Variants in ACOD1 observed in about 807,000 individuals in gnomAD.
ACOD1 encodes the protein cis-aconitate decarboxylase.
Under a neutral mutation model 14.2 loss-of-function variants are expected in ACOD1, and 14 were observed. The ratio of observed to expected loss-of-function variants is 0.99; its 90% confidence interval spans 0.65 to 1.54. The LOEUF (loss-of-function observed/expected upper bound fraction) is 1.54. ACOD1 is among the 40% of genes most tolerant of loss of function. The pLI is 0.00. For missense variants in ACOD1, 530 were observed against 586.3 expected, an observed-to-expected ratio of 0.90 and a Z score of 0.99; for synonymous variants, 182 against 221.7, an observed-to-expected ratio of 0.82 and a Z score of 1.59.
intron 1 of ACOD1, 114 bp downstream of exon 1, chr13:76,948,684 T>C: frequency 3.6e-6 from 3 of 837,452 alleles, no homozygotes; most frequent in Non-Finnish European, 5.7e-6. Flanking sequence ...TGCTTTAACT[T>C]TTCTTTCAAC....
At chr13:76,952,194 C>T (rs1256019197) in intron 1 of ACOD1, among the ~76,000 whole-genome samples, 1 of 152,118 alleles carries the variant, frequency 6.6e-6, no homozygotes, top group Non-Finnish European at 1.5e-5. Context: ...ACTCTCTGTG[C>T]TTCCCTCCAC....
intron 1 of ACOD1, among the ~76,000 whole-genome samples, chr13:76,948,791 A>C (rs2033793800): frequency 6.6e-6 from 1 of 152,276 alleles, no homozygotes; most frequent in Admixed American, 6.5e-5. Context: ...GGAATGAATT[A>C]TGACAAGTTC....
chr13:76,954,712 G>A (rs940241745), intron 3 of ACOD1, among the ~76,000 whole-genome samples: 1 of 152,164 alleles, frequency 6.6e-6, no homozygotes, highest in Non-Finnish European at 1.5e-5. Context: ...AGGGGCCACA[G>A]CAGAGGGAGC....
At chr13:76,950,329 T>G (rs1566205386) in intron 1 of ACOD1, among the ~76,000 whole-genome samples, 1 of 152,180 alleles carries the variant, frequency 6.6e-6, no homozygotes, top group African/African-American at 2.4e-5. Context: ...CAATATTCAC[T>G]AGGTGGTGAG....
chr13:76,950,091 G>T (rs894734622), intron 1 of ACOD1, among the ~76,000 whole-genome samples: 2 of 152,154 alleles, frequency 1.3e-5, no homozygotes, highest in African/African-American at 2.4e-5. Flanking sequence ...CTGTAAATGG[G>T]ACTAGTCAGT....
chr13:76,957,321 G>A lies in ACOD1; in HGVS notation c.782G>A (p.Ser261Asn), dbSNP rs2033887930. 3 of 1,550,554 alleles carry A rather than the reference G, an allele frequency of 1.9e-6. No individual in the cohort carries two copies. Among genetic ancestry groups the A allele is most frequent in the Non-Finnish European group, 2.6e-6 (3 of 1,147,020 alleles). ...PKVLPSIASY[S>N]WLLDQQDVAF... is the part of the protein sequence containing the mutation. ...GTCCTTCCAAGCATAGCTTCCTACA[G>A]TTGGCTGCTGGACCAGCAGGACGTG... The change falls in exon 5 of 5, where the codon AGT (serine) becomes AAT (asparagine). Residue 261 changes from serine (S) to asparagine (N), a missense_variant. Transcript: ENST00000377462.
rs1462877456 is a variant in ACOD1 at position 76,952,439 on chromosome 13, G to A, written c.13-50G>A. ...TCAAGGTGTCTTATAGAACAGAAGT[G>A]TGTAAGTAAAGTGGGGTGTATCCCT... On this transcript the variant is annotated intron_variant, in intron 1 of 4. Transcript: ENST00000377462. 3.3e-6 allele frequency: 5 copies of A among 1,511,442 alleles called. No individual in the cohort carries two copies. The South Asian group carries it at 6.3e-5, about 19-fold the overall frequency. 93.6% of individuals were successfully genotyped at this position (1,511,442 alleles called of 1,614,324 possible).
In ACOD1 at chr13:76,957,438, T is replaced by A; in HGVS notation, c.899T>A (p.Leu300Gln). 1 of 1,550,670 alleles carries A rather than the reference T, an allele frequency of 6.4e-7. No individual in the cohort carries two copies. The highest frequency in any genetic ancestry group is 1.2e-5 in the South Asian group (1 of 84,070). Residue 300 changes from leucine (L) to glutamine (Q), a missense_variant, in exon 5 of 5, where the codon CTG (leucine) becomes CAG (glutamine). Transcript: ENST00000377462. ...VRKHLVAERA[L>Q]LPTDYIKRIV... ...AAGCACCTTGTAGCAGAGAGAGCCC[T>A]GCTTCCAACTGACTACATTAAGAGA... is the stretch of plus-strand genomic sequence containing the variant.
At position 76,957,052 on chromosome 13, in the gene ACOD1, T is replaced by G; in HGVS notation, c.513T>G (p.Ala171=). The change falls in exon 5 of 5, where the codon GCT becomes GCG. Residue 171 remains alanine, a synonymous_variant. Transcript: ENST00000377462. ...PSVVGTLGSA[A]AASKFLGLSS... ...TGGTAGGAACGTTGGGTAGTGCTGC[T>G]GCTGCATCCAAGTTTTTAGGACTTA... 6.4e-7 allele frequency: 1 copy of G among 1,550,600 alleles called. No individual in the cohort carries two copies. Among genetic ancestry groups the G allele is most frequent in the Non-Finnish European group, 8.7e-7 (1 of 1,146,968 alleles).
intron 1 of ACOD1, among the ~76,000 whole-genome samples, chr13:76,949,130 G>A (rs2033798682): frequency 6.6e-6 from 1 of 152,118 alleles, no homozygotes; most frequent in Admixed American, 6.5e-5. Context: ...AGCTGGGCGT[G>A]GTGGCAGGCG....
intron 1 of ACOD1, among the ~76,000 whole-genome samples, chr13:76,951,180 T>C (rs778833170): frequency 6.6e-6 from 1 of 152,242 alleles, no homozygotes; most frequent in Non-Finnish European, 1.5e-5. Context: ...GATCAATTAA[T>C]AACATGTTTT....
chr13:76,957,002 CT>C lies in ACOD1; in HGVS notation c.471-4del. On this transcript the variant is annotated splice_polypyrimidine_tract_variant and splice_region_variant and intron_variant, in intron 4 of 4. Transcript: ENST00000377462. ...GTACATCTCCAACTCTGCTTCTTTG[CT>C]TTTCAGATTCCATCCCCCTTCCGTG... 6.5e-7 allele frequency: 1 copy of C among 1,540,428 alleles called. No individual in the cohort carries two copies. The highest frequency in any genetic ancestry group is 8.8e-7 in the Non-Finnish European group (1 of 1,141,388).
At chr13:76,955,238 C>A in intron 3 of ACOD1, 81 bp from the exon 4 acceptor site, 1 of 931,990 alleles carries the variant, frequency 1.1e-6, no homozygotes. Flanking sequence ...TATTACTAAA[C>A]TAAGTCCTTA....
chr13:76,954,989 C>A (rs767009360), intron 3 of ACOD1, among the ~76,000 whole-genome samples: 4 of 151,524 alleles, frequency 2.6e-5, no homozygotes, highest in African/African-American at 9.7e-5. Flanking sequence ...TAGCCAGGTG[C>A]GGTGGTGGGC....
chr13:76,957,077 A>T lies in ACOD1; in HGVS notation c.538A>T (p.Ser180Cys). The change falls in exon 5 of 5, where the codon AGC (serine) becomes TGC (cysteine). Residue 180 changes from serine to cysteine, a missense_variant. Physicochemically the swap from Ser to Cys is moderately radical, Grantham distance 112. Transcript: ENST00000377462. The part of the protein sequence containing the change: ...AAAASKFLGL[S>C]STKCREALAI... Reference sequence around the variant, plus strand: ...TGCTGCATCCAAGTTTTTAGGACTTAGCTCGACAAAGTGCCGAGAAGCTCT... The same window carrying T: ...TGCTGCATCCAAGTTTTTAGGACTTTGCTCGACAAAGTGCCGAGAAGCTCT... The T allele has an allele frequency of 6.4e-7, 1 of 1,550,656 alleles. No homozygotes were observed. The highest frequency in any genetic ancestry group is 8.7e-7 in the Non-Finnish European group (1 of 1,146,998).
In ACOD1 at chr13:76,957,529, C is replaced by G; in HGVS notation, c.990C>G (p.Ala330=). The G allele has an allele frequency of 6.4e-7, 1 of 1,550,592 alleles. No individual in the cohort carries two copies. ...NRPFPVSEHE[A]RHSFQYVACA... The stretch of plus-strand genomic sequence containing the variant: ...CCTTTCCAGTTTCGGAGCATGAAGC[C>G]CGTCATTCATTCCAGTATGTGGCCT... Residue 330 remains alanine (A), a synonymous_variant, in exon 5 of 5, where the codon GCC becomes GCG. Coordinates refer to ENST00000377462, the MANE Select transcript of ACOD1 (RefSeq NM_001258406.2).
Position 76,957,888 on chromosome 13 carries a change from A to G in ACOD1, c.1349A>G (p.Asp450Gly), listed in dbSNP as rs1403235379. The G allele has an allele frequency of 6.4e-7, 1 of 1,550,932 alleles. No homozygotes were observed. The highest frequency in any genetic ancestry group is 8.7e-7 in the Non-Finnish European group (1 of 1,147,038). Reference protein sequence around the residue: ...KIVKNLEDLEDCSVLTTLLKG... With the variant: ...KIVKNLEDLEGCSVLTTLLKG... ...GTCAAAAATCTAGAAGACCTAGAAG[A>G]CTGTTCTGTGTTAACTACACTTCTC... is the stretch of plus-strand genomic sequence containing the variant. Residue 450 changes from aspartate (D) to glycine (G), a missense_variant, in exon 5 of 5, where the codon GAC becomes GGC. Coordinates refer to ENST00000377462, the MANE Select transcript of ACOD1 (RefSeq NM_001258406.2).
In ACOD1 at chr13:76,955,318, G is replaced by C. The variant is rs1477010433; in HGVS notation, c.265-1G>C. 6.5e-7 allele frequency: 1 copy of C among 1,549,894 alleles called. No individual in the cohort carries two copies. Among genetic ancestry groups the C allele is most frequent in the African/African-American group, 1.4e-5 (1 of 73,138 alleles). On this transcript the variant is annotated splice_acceptor_variant, in intron 3 of 4. Transcript: ENST00000377462. LOFTEE classifies it high-confidence loss of function. ...GTTGCTGTTTGTGTCTGTTTATACA[G>C]ATTCACTCCATGGATTTTGATGACA...
chr13:76,956,646 G>A lies in ACOD1; in HGVS notation c.471-364G>A, dbSNP rs1163008512. 2.0e-5 allele frequency among the ~76,000 whole-genome samples: 3 copies of A among 152,242 alleles called. No individual in the cohort carries two copies. In the East Asian group the frequency reaches 5.8e-4, roughly 29 times the overall value. On this transcript the variant is annotated intron_variant, in intron 4 of 4. Transcript: ENST00000377462. ...TCCTGCCTCAGTCTCCCAAGTAGCTGGGACTGCAGGCACCCACCACCACAT... is the reference window on the plus strand; with the variant it reads ...TCCTGCCTCAGTCTCCCAAGTAGCTAGGACTGCAGGCACCCACCACCACAT...
Sources: allele counts gnomAD v4.1 joint callset (sites outside exome capture counted in the v4.1 genomes callset), GRCh38; gene constraint gnomAD v4.1.1; transcripts MANE v1.5; gene names NCBI Gene and HGNC (gene_info 2026-07-23, HGNC 2026-07-21).